Variants in STOX2 observed in about 807,000 individuals in gnomAD.
STOX2 encodes the protein storkhead box 2, also known as storkhead-box protein 2.
In STOX2, 28 loss-of-function variants were observed where a neutral mutation model predicts 60.9. That is an observed-to-expected ratio of 0.46 (90% CI 0.34 to 0.63). The LOEUF (loss-of-function observed/expected upper bound fraction) is 0.63, where lower values mean the gene tolerates loss of function less well. Among genes scored for constraint, STOX2 ranks in the 30% least tolerant of loss-of-function variants. The pLI, the probability that STOX2 is intolerant of heterozygous loss-of-function variation, is 0.01. For synonymous variants in STOX2, 472 were observed against 463.9 expected, an observed-to-expected ratio of 1.02 and a Z score of -0.22; for missense variants, 1,024 against 1,187.7, an observed-to-expected ratio of 0.86 and a Z score of 2.03.
intron 1 of STOX2, among the ~76,000 whole-genome samples, chr4:183,987,415 A>G (rs1201243407): frequency 1.3e-5 from 2 of 152,098 alleles, no homozygotes; most frequent in Non-Finnish European, 2.9e-5. Flanking sequence ...GGGGTTCACA[A>G]TGAGCGTGGC....
chr4:183,938,675 A>G (rs1372829528), intron 1 of STOX2, among the ~76,000 whole-genome samples: 1 of 150,930 alleles, frequency 6.6e-6, no homozygotes, highest in African/African-American at 2.4e-5. Context: ...TCTCCAAAAA[A>G]AAAAAAAAAA....
At chr4:183,918,382 C>T in intron 1 of STOX2, among the ~76,000 whole-genome samples, 1 of 152,174 alleles carries the variant, frequency 6.6e-6, no homozygotes, top group Non-Finnish European at 1.5e-5. Context: ...GAGAACTTGG[C>T]TTTACTTAAA....
At chr4:183,898,395 G>C (rs1436954649) in intron 1 of STOX2, among the ~76,000 whole-genome samples, 1 of 152,220 alleles carries the variant, frequency 6.6e-6, no homozygotes, top group Non-Finnish European at 1.5e-5. Context: ...GAGGTTGGGA[G>C]ACTGGGCATA....
chr4:183,820,384 G>A (rs555553991), intron 1 of STOX2, among the ~76,000 whole-genome samples: 3 of 152,182 alleles, frequency 2.0e-5, no homozygotes, highest in Non-Finnish European at 2.9e-5. Context: ...TCCTATTGCC[G>A]CTTCTCTCAT....
At chr4:183,822,905 A>G (rs985109571) in intron 1 of STOX2, among the ~76,000 whole-genome samples, 5 of 152,230 alleles carry the variant, frequency 3.3e-5, no homozygotes, top group African/African-American at 1.2e-4. Context: ...CCAGCTGTGC[A>G]GTGCTGAGAC....
At chr4:183,974,015 T>C (rs1010110663) in intron 1 of STOX2, among the ~76,000 whole-genome samples, 1 of 152,264 alleles carries the variant, frequency 6.6e-6, no homozygotes, top group South Asian at 2.1e-4. Context: ...CGTATAATAA[T>C]GGAAATCAAA....
intron 1 of STOX2, among the ~76,000 whole-genome samples, chr4:183,938,536 G>A (rs1579441511): frequency 6.6e-6 from 1 of 152,164 alleles, no homozygotes; most frequent in South Asian, 2.1e-4. Context: ...GGATGTGGTG[G>A]TGCACGCCTG....
chr4:183,807,633 T>C (rs1738936211), intron 1 of STOX2, among the ~76,000 whole-genome samples: 1 of 152,162 alleles, frequency 6.6e-6, no homozygotes. Flanking sequence ...CACTCCCAGC[T>C]CAGCTTCTTA....
chr4:183,833,634 G>GT (rs112301632), intron 1 of STOX2, among the ~76,000 whole-genome samples: 11,419 of 142,376 alleles, frequency 0.08, 1,349 homozygotes, highest in African/African-American at 0.27. Flanking sequence ...TTCTGCAGGA[G>GT]TTTTTTTTTT....
chr4:183,839,512 G>A (rs1215287666), intron 1 of STOX2, among the ~76,000 whole-genome samples: 3 of 152,168 alleles, frequency 2.0e-5, no homozygotes, highest in Non-Finnish European at 4.4e-5. Context: ...TGGCTCATCC[G>A]CTGTTCCTTT....
rs1438636188 is a variant in STOX2, at chr4:183,938,673, A to G, written c.166+31717A>G. 1.8e-3 allele frequency among the ~76,000 whole-genome samples: 263 copies of G among 146,560 alleles called. 1 individual carries two copies. Among genetic ancestry groups the G allele is most frequent in the African/African-American group, 6.1e-3 (246 of 40,442 alleles). On this transcript the variant is annotated intron_variant, in intron 1 of 3. Transcript: ENST00000308497. Reference sequence around the variant, plus strand: ...AACAGAGTGAGACTCCGTCTCCAAAAAAAAAAAAAAAAAAAAAAAAATCTA... The same window carrying G: ...AACAGAGTGAGACTCCGTCTCCAAAGAAAAAAAAAAAAAAAAAAAAATCTA...
chr4:183,985,540 G>A (rs1459256590), intron 1 of STOX2, among the ~76,000 whole-genome samples: 1 of 152,174 alleles, frequency 6.6e-6, no homozygotes. Flanking sequence ...TTGTGAAGAT[G>A]ATGTGAGTTT....
chr4:183,983,457 G>A (rs545303127), intron 1 of STOX2, among the ~76,000 whole-genome samples: 5 of 152,220 alleles, frequency 3.3e-5, no homozygotes, highest in Non-Finnish European at 5.9e-5. Context: ...GTCGAAAGGA[G>A]GTTTAGTGGA....
chr4:183,912,846 G>A (rs939517355), intron 1 of STOX2, among the ~76,000 whole-genome samples: 3 of 152,174 alleles, frequency 2.0e-5, no homozygotes, highest in African/African-American at 7.2e-5. Flanking sequence ...ATGAGGTCTC[G>A]AAGTCCTAAT....
At chr4:183,883,952 A>G (rs1304862758) in intron 1 of STOX2, among the ~76,000 whole-genome samples, 2 of 151,882 alleles carry the variant, frequency 1.3e-5, no homozygotes, top group East Asian at 3.9e-4. Context: ...CCTGGGTTCA[A>G]GTGATTCTCC....
chr4:183,942,479 G>A (rs1742779613), intron 1 of STOX2, among the ~76,000 whole-genome samples: 1 of 151,658 alleles, frequency 6.6e-6, no homozygotes, highest in African/African-American at 2.4e-5. Flanking sequence ...TCACTAAGAG[G>A]CTTCTGATTC....
intron 1 of STOX2, among the ~76,000 whole-genome samples, chr4:183,983,273 C>T (rs1732722340): frequency 6.6e-6 from 1 of 152,166 alleles, no homozygotes; most frequent in Non-Finnish European, 1.5e-5. Flanking sequence ...GCGCTTTTCT[C>T]ATATCAGAAA....
intron 1 of STOX2, among the ~76,000 whole-genome samples, chr4:183,817,791 C>G (rs1394401690): frequency 6.6e-6 from 1 of 152,070 alleles, no homozygotes; most frequent in Non-Finnish European, 1.5e-5. Flanking sequence ...AAGAGAACTC[C>G]AAGCGAGGTT....
At chr4:183,941,014 C>G (rs1404501926) in intron 1 of STOX2, among the ~76,000 whole-genome samples, 1 of 152,142 alleles carries the variant, frequency 6.6e-6, no homozygotes, top group Non-Finnish European at 1.5e-5. Context: ...GTGTGGCCAA[C>G]CGACCACTTT....
Sources: allele counts gnomAD v4.1 joint callset (sites outside exome capture counted in the v4.1 genomes callset), GRCh38; gene constraint gnomAD v4.1.1; transcripts MANE v1.5; gene names NCBI Gene and HGNC (gene_info 2026-07-23, HGNC 2026-07-21).